Variants in INTS4 observed in about 807,000 individuals in gnomAD.
INTS4 encodes the protein integrator complex subunit 4.
Under a neutral mutation model 119.5 loss-of-function variants are expected in INTS4, and 70 were observed. That is an observed-to-expected ratio of 0.59 (90% CI 0.48 to 0.71). The LOEUF is 0.71. Among genes scored for constraint, INTS4 ranks in the 30% least tolerant of loss-of-function variants. INTS4 has a pLI of 0.00. For missense variants in INTS4, 867 were observed against 1,173.2 expected (o/e 0.74, Z 3.81); for synonymous variants, 316 against 419.6 (o/e 0.75, Z 3.02).
chr11:77,981,190 C>CAAAAAAAAAAAAAAAAAAAAAAAA (rs35194381), intron 3 of INTS4, among the ~76,000 whole-genome samples: 1 of 88,862 alleles, frequency 1.1e-5, no homozygotes. Context: ...AACAAACAAG[C>CAAAAAAAAAAAAAAAAAAAAAAAA]AAAAAAAAAA....
chr11:77,975,081 G>A (rs1855891490), intron 4 of INTS4, among the ~76,000 whole-genome samples: 1 of 152,006 alleles, frequency 6.6e-6, no homozygotes, highest in African/African-American at 2.4e-5. Context: ...TTTCTATTCT[G>A]TTTAATTAAT....
rs1952847200 is a variant in INTS4 at position 77,903,628 on chromosome 11, G to C, written c.2017-8C>G. On this transcript the variant is annotated splice_region_variant and splice_polypyrimidine_tract_variant and intron_variant, in intron 16 of 22. Coordinates refer to ENST00000534064, the MANE Select transcript of INTS4 (RefSeq NM_033547.4). ...CAACTTTTCCTGCAAGGCCTACGCA[G>C]ACAAATCAGGAGGGAACAGAATACC... The C allele has an allele frequency of 1.2e-6, 2 of 1,610,060 alleles. No homozygotes were observed. The highest frequency in any genetic ancestry group is 1.7e-6 in the Non-Finnish European group (2 of 1,177,232).
chr11:77,918,416 C>CAAAAAAAAA (rs34005455), intron 15 of INTS4: 2 of 58,526 alleles, frequency 3.4e-5, no homozygotes, highest in Non-Finnish European at 6.2e-5. Context: ...GACCCTGTCT[C>CAAAAAAAAA]AAAAAAAAAA....
intron 8 of INTS4, among the ~76,000 whole-genome samples, chr11:77,948,654 C>CAAAAAA (rs138277574): frequency 7.7e-5 from 7 of 91,346 alleles, no homozygotes; most frequent in Non-Finnish European, 1.6e-4. Context: ...CTCAAAGAAA[C>CAAAAAA]AAAAAAAAAA....
At chr11:77,877,767 G>C (rs908846326), downstream of INTS4, among the ~76,000 whole-genome samples, 1 of 151,200 alleles carries the variant, frequency 6.6e-6, no homozygotes, top group Non-Finnish European at 1.5e-5. Flanking sequence ...TTTTTAAACA[G>C]AGATGGGGTC....
At chr11:77,953,562 A>T (rs1265785780) in intron 8 of INTS4, among the ~76,000 whole-genome samples, 2 of 149,750 alleles carry the variant, frequency 1.3e-5, no homozygotes, top group African/African-American at 4.9e-5. Flanking sequence ...ATTACAAAAC[A>T]ATTTTATCCC....
intron 2 of INTS4, among the ~76,000 whole-genome samples, chr11:77,983,848 A>G (rs1173341700): frequency 6.6e-6 from 1 of 152,168 alleles, no homozygotes; most frequent in Non-Finnish European, 1.5e-5. Context: ...TTAATAATAG[A>G]ATTACATATG....
chr11:77,897,913 A>T (rs890272188), intron 18 of INTS4, among the ~76,000 whole-genome samples: 7 of 151,932 alleles, frequency 4.6e-5, no homozygotes, highest in Admixed American at 4.6e-4. Flanking sequence ...GGCTCAAGGG[A>T]TCCTCCCACC....
At chr11:77,877,184 T>G (rs1951622407), downstream of INTS4, 4 of 590,640 alleles carry the variant, frequency 6.8e-6, no homozygotes, top group East Asian at 2.8e-5. Flanking sequence ...TTGTGTGACC[T>G]AGGACAGGTT....
intron 4 of INTS4, among the ~76,000 whole-genome samples, chr11:77,966,337 T>G (rs185479936): frequency 6.6e-6 from 1 of 152,350 alleles, no homozygotes; most frequent in Non-Finnish European, 1.5e-5. Context: ...GTTGGTTGGT[T>G]GCCTGCTCTT....
chr11:77,884,860 T>C, intron 21 of INTS4: 1 of 343,556 alleles, frequency 2.9e-6, no homozygotes, highest in Non-Finnish European at 6.2e-6. Context: ...GCGCAAGTGA[T>C]CTTCCTGCCT....
chr11:77,967,912 C>A (rs961710915), intron 4 of INTS4, among the ~76,000 whole-genome samples: 28 of 152,132 alleles, frequency 1.8e-4, no homozygotes, highest in Admixed American at 2.0e-4. Context: ...CTGAGAAATG[C>A]ATCATTAGGT....
intron 16 of INTS4, among the ~76,000 whole-genome samples, chr11:77,904,049 C>A (rs552065810): frequency 1.3e-5 from 2 of 152,324 alleles, no homozygotes; most frequent in African/African-American, 4.8e-5. Flanking sequence ...TAAGCCCCAA[C>A]CACTTTATCA....
intron 4 of INTS4, among the ~76,000 whole-genome samples, chr11:77,975,493 CA>C (rs548063823): frequency 0.016 from 2,172 of 135,548 alleles, 43 homozygotes; most frequent in African/African-American, 0.051. Flanking sequence ...ATCTCAATTA[CA>C]AAAAAAAAAA....
At chr11:77,920,669 G>C (rs1204803773) in intron 14 of INTS4, among the ~76,000 whole-genome samples, 1 of 151,780 alleles carries the variant, frequency 6.6e-6, no homozygotes, top group African/African-American at 2.4e-5. Context: ...TGGCTAACAC[G>C]GTGAAACCCT....
At chr11:77,960,117 T>C (rs1229762575) in intron 6 of INTS4, among the ~76,000 whole-genome samples, 1 of 152,114 alleles carries the variant, frequency 6.6e-6, no homozygotes, top group Non-Finnish European at 1.5e-5. Context: ...ACTTTGTAAA[T>C]CCTCCTAAAA....
intron 18 of INTS4, among the ~76,000 whole-genome samples, chr11:77,895,343 T>C (rs1023987124): frequency 1.3e-5 from 2 of 151,790 alleles, no homozygotes; most frequent in Non-Finnish European, 2.9e-5. Context: ...AAGAGAATGA[T>C]GTCAAGGTTT....
chr11:77,960,834 C>A (rs1435947265), intron 5 of INTS4, 119 bp downstream of exon 5: 2 of 928,392 alleles, frequency 2.2e-6, no homozygotes, highest in Non-Finnish European at 3.2e-6. Flanking sequence ...AGGCCACCAC[C>A]AATACCCTCC....
chr11:77,993,307 A>T (rs1591159789), intron 1 of INTS4, among the ~76,000 whole-genome samples: 1 of 152,262 alleles, frequency 6.6e-6, no homozygotes, highest in African/African-American at 2.4e-5. Flanking sequence ...TGAAGAAGAG[A>T]CTAAGCTCTC....
Sources: allele counts gnomAD v4.1 joint callset (sites outside exome capture counted in the v4.1 genomes callset), GRCh38; gene constraint gnomAD v4.1.1; transcripts MANE v1.5; gene names NCBI Gene and HGNC (gene_info 2026-07-23, HGNC 2026-07-21).